The following DNAJC8 variants were observed in gnomAD, a reference collection of about 807,000 sequenced individuals.
DNAJC8 encodes dnaJ homolog subfamily C member 8.
DNAJC8 carries 24 observed loss-of-function variants against 43.2 expected under a neutral mutation model. That is an observed-to-expected ratio of 0.56 (90% CI 0.40 to 0.78). DNAJC8 has a LOEUF of 0.78. Among genes scored for constraint, DNAJC8 ranks in the 30% least tolerant of loss-of-function variants. The pLI is 0.00. For synonymous variants in DNAJC8, 83 were observed against 98.0 expected (o/e 0.85, Z 0.90); for missense variants, 207 against 299.4 (o/e 0.69, Z 2.28).
intron 7 of DNAJC8, 124 bp downstream of exon 7, chr1:28,205,134 T>C (rs1646760101): frequency 1.4e-6 from 1 of 703,758 alleles, no homozygotes. Flanking sequence ...TGTTTTTAGG[T>C]AACTATTTTT....
In DNAJC8 at chr1:28,200,763, A is replaced by T. The variant is rs948305095; in HGVS notation, c.*485T>A. The stretch of plus-strand genomic sequence containing the variant: ...TCAGATGCTGCTCTGTGTGCTCACA[A>T]GTGTTCCCTGTCTTATCTGGGCCTT... On this transcript the variant is annotated 3_prime_UTR_variant, in exon 9 of 9. Coordinates refer to ENST00000263697, the MANE Select transcript of DNAJC8 (RefSeq NM_014280.3). 7 of 437,898 alleles carry T rather than the reference A, an allele frequency of 1.6e-5. No individual in the cohort carries two copies. In the Admixed American group the frequency reaches 1.8e-4, roughly 11 times the overall value. The allele number at this position is 437,898 out of a possible 1,614,324, so 27.1% of individuals were successfully genotyped here.
chr1:28,218,199 G>C lies in DNAJC8; in HGVS notation c.181-3203C>G, dbSNP rs372637709. Among the ~76,000 whole-genome samples, 32 of 150,772 alleles carry C rather than the reference G, an allele frequency of 2.1e-4. 1 individual carries two copies. In the South Asian group the frequency reaches 6.1e-3, roughly 29 times the overall value. On this transcript the variant is annotated intron_variant, in intron 2 of 8. Transcript: ENST00000263697. ...CAACCTCCGCCTCTGGGATTCAAGC[G>C]ATTCTCCTGCCTCAGCCTCCTGAGT...
At chr1:28,230,214 T>A (rs1646964617) in intron 1 of DNAJC8, 1 of 152,212 alleles carries the variant, frequency 6.6e-6, no homozygotes, top group South Asian at 2.1e-4. Flanking sequence ...GAATGCTAGT[T>A]GGAATGAATC....
rs560817669 is a variant in DNAJC8, at chr1:28,228,064, T to A, written c.180+858A>T. Among the ~76,000 whole-genome samples, 5 of 152,238 alleles carry A rather than the reference T, an allele frequency of 3.3e-5. No individual in the cohort carries two copies. In the South Asian group the frequency reaches 1.0e-3, roughly 32 times the overall value. On this transcript the variant is annotated intron_variant, in intron 2 of 8. Coordinates refer to ENST00000263697, the MANE Select transcript of DNAJC8 (RefSeq NM_014280.3). ...TTTAACAAGTAGTTTAAATCAAGAATCCTAGGCTGGGCGCAGTGGCTCACG... is the reference window on the plus strand; with the variant it reads ...TTTAACAAGTAGTTTAAATCAAGAAACCTAGGCTGGGCGCAGTGGCTCACG...
intron 2 of DNAJC8, among the ~76,000 whole-genome samples, chr1:28,215,725 C>G (rs981390669): frequency 6.6e-6 from 1 of 152,008 alleles, no homozygotes. Flanking sequence ...TTAGTAGACA[C>G]AGGGTTTCTC....
chr1:28,210,058 T>G lies in DNAJC8; in HGVS notation c.313A>C (p.Lys105Gln), dbSNP rs1456826093. ...RAQKAFEAVD[K>Q]AYKLLLDQEQ... Reference sequence around the variant, plus strand: ...TGATCCAGTAGCAACTTGTAAGCTTTGTCCACAGCTAATGCAAAACATTGA... The same window carrying G: ...TGATCCAGTAGCAACTTGTAAGCTTGGTCCACAGCTAATGCAAAACATTGA... The change falls in exon 5 of 9, where the codon AAA (lysine) becomes CAA (glutamine). Residue 105 changes from lysine (K) to glutamine (Q), a missense_variant. Coordinates refer to ENST00000263697, the MANE Select transcript of DNAJC8 (RefSeq NM_014280.3). 6.2e-7 allele frequency: 1 copy of G among 1,613,954 alleles called. No homozygotes were observed. Among genetic ancestry groups the G allele is most frequent in the African/African-American group, 1.3e-5 (1 of 74,930 alleles).
intron 2 of DNAJC8, among the ~76,000 whole-genome samples, chr1:28,217,861 T>G (rs746548399): frequency 1.3e-5 from 2 of 151,966 alleles, no homozygotes; most frequent in African/African-American, 4.8e-5. Flanking sequence ...ATTTGGGGAT[T>G]ACAACATGAT....
chr1:28,217,200 T>C (rs1287495282), intron 2 of DNAJC8, among the ~76,000 whole-genome samples: 1 of 151,954 alleles, frequency 6.6e-6, no homozygotes, highest in African/African-American at 2.4e-5. Flanking sequence ...GGCATAATCA[T>C]AGGTCACTGC....
chr1:28,214,735 T>G (rs1646839363), intron 3 of DNAJC8, among the ~76,000 whole-genome samples: 1 of 152,114 alleles, frequency 6.6e-6, no homozygotes, highest in Non-Finnish European at 1.5e-5. Context: ...GATATAAAAT[T>G]CATTCTATTC....
At chr1:28,231,576 G>T (rs1296079424) in intron 1 of DNAJC8, among the ~76,000 whole-genome samples, 1 of 151,728 alleles carries the variant, frequency 6.6e-6, no homozygotes, top group African/African-American at 2.4e-5. Flanking sequence ...TTAGCCAGGC[G>T]TGGTGGCAGG....
At chr1:28,219,082 G>T (rs1646881294) in intron 2 of DNAJC8, among the ~76,000 whole-genome samples, 1 of 152,122 alleles carries the variant, frequency 6.6e-6, no homozygotes, top group South Asian at 2.1e-4. Flanking sequence ...CATGCCAAAT[G>T]TAATTCATAA....
At chr1:28,206,118 G>A (rs1234938847) in intron 6 of DNAJC8, among the ~76,000 whole-genome samples, 1 of 152,130 alleles carries the variant, frequency 6.6e-6, no homozygotes, top group Non-Finnish European at 1.5e-5. Flanking sequence ...CTTGAGCTCA[G>A]GAGGTCAAGG....
At chr1:28,232,190 C>T (rs186098369) in intron 1 of DNAJC8, among the ~76,000 whole-genome samples, 63 of 152,268 alleles carry the variant, frequency 4.1e-4, no homozygotes, top group African/African-American at 1.4e-3. Context: ...CCTGGGCCTC[C>T]CAAAGTGCTG....
At chr1:28,201,545 T>G (rs1646733328) in intron 8 of DNAJC8, among the ~76,000 whole-genome samples, 175 bp from the exon 9 acceptor site, 1 of 152,012 alleles carries the variant, frequency 6.6e-6, no homozygotes, top group African/African-American at 2.4e-5. Flanking sequence ...TCCCAGCACT[T>G]CGGGAGGCCG....
At chr1:28,224,353 T>G (rs1646919298) in intron 2 of DNAJC8, among the ~76,000 whole-genome samples, 1 of 152,092 alleles carries the variant, frequency 6.6e-6, no homozygotes, top group Non-Finnish European at 1.5e-5. Flanking sequence ...CTGCAACCTC[T>G]GCCTCCCAGG....
At chr1:28,202,663 C>T (rs1646744897) in intron 8 of DNAJC8, among the ~76,000 whole-genome samples, 3 of 148,136 alleles carry the variant, frequency 2.0e-5, no homozygotes, top group Admixed American at 1.4e-4. Context: ...TCACTGCAAG[C>T]TCCACCTCCT....
In DNAJC8 at chr1:28,214,922, A is replaced by G. The variant is rs1420580617; in HGVS notation, c.237+18T>C. 1 of 1,577,868 alleles carries G rather than the reference A, an allele frequency of 6.3e-7. No homozygotes were observed. Among genetic ancestry groups the G allele is most frequent in the East Asian group, 2.3e-5 (1 of 44,406 alleles). Reference sequence around the variant, plus strand: ...TCATACATTTTCAAAAAGTTCAAACAGGGAAATAGTACTGTACCTGCCGAA... The same window carrying G: ...TCATACATTTTCAAAAAGTTCAAACGGGGAAATAGTACTGTACCTGCCGAA... On this transcript the variant is annotated intron_variant, in intron 3 of 8. Transcript: ENST00000263697.
chr1:28,206,306 C>A (rs1646768002), intron 6 of DNAJC8, among the ~76,000 whole-genome samples: 1 of 152,088 alleles, frequency 6.6e-6, no homozygotes, highest in Admixed American at 6.5e-5. Context: ...GGCTAGAGTG[C>A]AGTGGTGTGA....
At chr1:28,204,535 C>G (rs1328756456) in intron 7 of DNAJC8, among the ~76,000 whole-genome samples, 1 of 152,102 alleles carries the variant, frequency 6.6e-6, no homozygotes, top group Non-Finnish European at 1.5e-5. Context: ...GAAATTCTAA[C>G]ATTTCTGATG....
Sources: gnomAD v4.1 joint callset for allele counts (sites outside exome capture counted in the v4.1 genomes callset) on GRCh38, gnomAD v4.1.1 for gene constraint, MANE v1.5 for transcripts, NCBI Gene and HGNC (gene_info 2026-07-23, HGNC 2026-07-21) for gene names.